Variants in DPYD observed in about 807,000 individuals in gnomAD.
The protein encoded by DPYD is dihydropyrimidine dehydrogenase [NADP(+)].
A neutral mutation model predicts 116.2 loss-of-function variants in DPYD; 109 were observed. The ratio of observed to expected loss-of-function variants is 0.94; its 90% confidence interval spans 0.80 to 1.10. The LOEUF is 1.10. Among genes scored for constraint, DPYD ranks in the 50% least tolerant of loss-of-function variants. The probability of loss-of-function intolerance (pLI) is 0.00; values close to 1 mark genes in which losing one functional copy is unlikely to be tolerated. For synonymous variants in DPYD, 440 were observed against 432.0 expected, an observed-to-expected ratio of 1.02 and a Z score of -0.23; for missense variants, 1,302 against 1,254.5, an observed-to-expected ratio of 1.04 and a Z score of -0.57.
intron 3 of DPYD, among the ~76,000 whole-genome samples, chr1:97,744,102 A>C (rs1664415877): frequency 6.6e-6 from 1 of 152,064 alleles, no homozygotes; most frequent in Admixed American, 6.6e-5. Flanking sequence ...AATTTTTTAT[A>C]ATTTGACATG....
intron 8 of DPYD, 69 bp from the exon 9 acceptor site, chr1:97,595,235 A>C: frequency 8.1e-7 from 1 of 1,238,508 alleles, no homozygotes; most frequent in Non-Finnish European, 1.2e-6. Context: ...ATTAAAACAA[A>C]AAAGAAAACT....
Position 97,079,020 on chromosome 1 carries a change from C to T in DPYD, c.3034G>A (p.Glu1012Lys). The T allele has an allele frequency of 6.2e-7, 1 of 1,613,722 alleles. No individual in the cohort carries two copies. Among genetic ancestry groups the T allele is most frequent in the Non-Finnish European group, 8.5e-7 (1 of 1,179,702 alleles). ...GATAAGGGTACGCCTCTCTTTGGTT[C>T]ATAAGGTGTTGTCCTGGAAACCATT... ...IKMVSRTTPYEPKRGVPLSVN... is the reference protein window; with the variant it reads ...IKMVSRTTPYKPKRGVPLSVN... The change falls in exon 23 of 23, where the codon GAA becomes AAA. Residue 1012 changes from glutamate to lysine, a missense_variant. Coordinates refer to ENST00000370192, the MANE Select transcript of DPYD (RefSeq NM_000110.4).
At chr1:97,203,308 C>A (rs1659338610) in intron 19 of DPYD, among the ~76,000 whole-genome samples, 1 of 151,986 alleles carries the variant, frequency 6.6e-6, no homozygotes, top group South Asian at 2.1e-4. Context: ...AGACTCAAAT[C>A]CTTAATTTTA....
intron 5 of DPYD, among the ~76,000 whole-genome samples, chr1:97,707,297 AT>A (rs1236924222): frequency 3.3e-5 from 5 of 151,604 alleles, no homozygotes; most frequent in East Asian, 1.9e-4. Flanking sequence ...ATGAGCATAT[AT>A]TTTTTTTATT....
At chr1:97,314,718 C>T (rs2101071016) in intron 16 of DPYD, among the ~76,000 whole-genome samples, 1 of 151,920 alleles carries the variant, frequency 6.6e-6, no homozygotes, top group East Asian at 2.0e-4. Flanking sequence ...ACAATTTGTC[C>T]CTATGGAATC....
chr1:97,489,548 T>C (rs777957846), intron 13 of DPYD, among the ~76,000 whole-genome samples: 1 of 152,198 alleles, frequency 6.6e-6, no homozygotes, highest in African/African-American at 2.4e-5. Flanking sequence ...ATGGTACACT[T>C]ACACCAGGAC....
intron 19 of DPYD, among the ~76,000 whole-genome samples, chr1:97,215,898 C>A (rs1458770067): frequency 6.6e-6 from 1 of 152,150 alleles, no homozygotes; most frequent in African/African-American, 2.4e-5. Context: ...TCTCTTTCAA[C>A]AAAGGGTCAT....
chr1:97,919,412 T>A (rs551251366), intron 1 of DPYD, among the ~76,000 whole-genome samples: 1 of 152,276 alleles, frequency 6.6e-6, no homozygotes, highest in South Asian at 2.1e-4. Flanking sequence ...TTCTCCTCAG[T>A]AGAATGTAAG....
At chr1:97,355,006 C>T (rs1053292159) in intron 16 of DPYD, among the ~76,000 whole-genome samples, 1 of 152,148 alleles carries the variant, frequency 6.6e-6, no homozygotes, top group Non-Finnish European at 1.5e-5. Flanking sequence ...GAAATAGGCA[C>T]TTTGCCTAGA....
At chr1:97,508,265 T>G (rs1211436881) in intron 13 of DPYD, among the ~76,000 whole-genome samples, 1 of 151,988 alleles carries the variant, frequency 6.6e-6, no homozygotes, top group Admixed American at 6.6e-5. Context: ...GAGGTAACTT[T>G]TGATCTGAGA....
At chr1:97,652,256 C>A (rs565555903) in intron 8 of DPYD, among the ~76,000 whole-genome samples, 1 of 152,224 alleles carries the variant, frequency 6.6e-6, no homozygotes, top group South Asian at 2.1e-4. Flanking sequence ...TTAAAAAATT[C>A]TCATGTTATT....
At chr1:97,915,937 T>C (rs1429453729) in intron 1 of DPYD, among the ~76,000 whole-genome samples, 1 of 152,216 alleles carries the variant, frequency 6.6e-6, no homozygotes, top group Non-Finnish European at 1.5e-5. Flanking sequence ...CTAGTTTTAG[T>C]GTTCCAAACT....
chr1:97,333,216 C>T (rs1336706336), intron 16 of DPYD, among the ~76,000 whole-genome samples: 2 of 151,950 alleles, frequency 1.3e-5, no homozygotes, highest in African/African-American at 4.8e-5. Context: ...CACCACCATG[C>T]CTGGCTAATT....
chr1:97,370,869 G>T lies in DPYD; in HGVS notation c.2058+2692C>A, dbSNP rs189418056. Among the ~76,000 whole-genome samples the T allele has an allele frequency of 9.2e-5, 14 of 152,130 alleles. 1 individual carries two copies. Among genetic ancestry groups the T allele is most frequent in the South Asian group, 2.1e-4 (1 of 4,828 alleles). ...CTTTTAAACACTTAGCAATGCTGAG[G>T]TGTTTTAAGATTTGATATGAAGCTT... On this transcript the variant is annotated intron_variant, in intron 16 of 22. Coordinates refer to ENST00000370192, the MANE Select transcript of DPYD (RefSeq NM_000110.4).
At chr1:97,719,588 G>A (rs768800376) in intron 5 of DPYD, among the ~76,000 whole-genome samples, 4 of 151,624 alleles carry the variant, frequency 2.6e-5, no homozygotes, top group African/African-American at 7.3e-5. Flanking sequence ...ACTTTTTTCC[G>A]TGAATATCAG....
chr1:97,863,267 C>T (rs1671211992), intron 2 of DPYD, among the ~76,000 whole-genome samples: 1 of 151,760 alleles, frequency 6.6e-6, no homozygotes, highest in Non-Finnish European at 1.5e-5. Flanking sequence ...ATTACACACA[C>T]ATAACAGCAT....
chr1:97,671,095 T>C (rs1659837491), intron 8 of DPYD, among the ~76,000 whole-genome samples: 1 of 152,072 alleles, frequency 6.6e-6, no homozygotes, highest in Admixed American at 6.6e-5. Context: ...ATAAAAAGAA[T>C]ATAAGCTGTA....
At chr1:97,802,563 T>C (rs1258855696) in intron 3 of DPYD, among the ~76,000 whole-genome samples, 1 of 151,832 alleles carries the variant, frequency 6.6e-6, no homozygotes, top group Non-Finnish European at 1.5e-5. Context: ...GGGCCTCAGA[T>C]CTATCCCTCA....
At chr1:97,522,717 CAAA>C (rs34950626) in intron 12 of DPYD, among the ~76,000 whole-genome samples, 52 of 138,092 alleles carry the variant, frequency 3.8e-4, no homozygotes, top group East Asian at 2.1e-3. Flanking sequence ...GACTCTGTCT[CAAA>C]AAAAAAAAAA....
Sources: gnomAD v4.1 joint callset for allele counts (sites outside exome capture counted in the v4.1 genomes callset) on GRCh38, gnomAD v4.1.1 for gene constraint, MANE v1.5 for transcripts, NCBI Gene and HGNC (gene_info 2026-07-23, HGNC 2026-07-21) for gene names.